SPOCK1: variants seen among roughly 807,000 people sequenced by gnomAD.
SPOCK1 encodes testican-1.
SPOCK1 carries 23 observed loss-of-function variants against 55.3 expected under a neutral mutation model. The observed-to-expected ratio is 0.42, with a 90% confidence interval of 0.30 to 0.59. SPOCK1 has a LOEUF of 0.59. Among genes scored for constraint, SPOCK1 ranks in the 20% least tolerant of loss-of-function variants. The probability of loss-of-function intolerance (pLI) is 0.22; values close to 1 mark genes in which losing one functional copy is unlikely to be tolerated. For synonymous variants in SPOCK1, 226 were observed against 221.0 expected, an observed-to-expected ratio of 1.02 and a Z score of -0.20; for missense variants, 499 against 552.5, an observed-to-expected ratio of 0.90 and a Z score of 0.97.
intron 2 of SPOCK1, among the ~76,000 whole-genome samples, chr5:137,380,884 G>A (rs748584054): frequency 6.6e-6 from 1 of 152,078 alleles, no homozygotes; most frequent in Non-Finnish European, 1.5e-5. Flanking sequence ...TACAACCCAA[G>A]CTACATTGCA....
chr5:137,098,133 TAACTC>T (rs1388449281), intron 5 of SPOCK1, among the ~76,000 whole-genome samples: 1 of 152,212 alleles, frequency 6.6e-6, no homozygotes, highest in Non-Finnish European at 1.5e-5. Context: ...TAATATGTAA[TAACTC>T]AATTCTCACA....
At chr5:137,315,906 G>A (rs1029465331) in intron 2 of SPOCK1, among the ~76,000 whole-genome samples, 1 of 152,198 alleles carries the variant, frequency 6.6e-6, no homozygotes, top group African/African-American at 2.4e-5. Context: ...CAGGGTGCTG[G>A]AGAGTCAGCC....
chr5:137,255,819 G>T (rs1450620075), intron 3 of SPOCK1, among the ~76,000 whole-genome samples: 4 of 152,158 alleles, frequency 2.6e-5, no homozygotes, highest in African/African-American at 9.7e-5. Context: ...GGCTCCAGTG[G>T]GCTCAGAGGA....
intron 2 of SPOCK1, among the ~76,000 whole-genome samples, chr5:137,384,621 T>G (rs1751562166): frequency 6.6e-6 from 1 of 150,452 alleles, no homozygotes; most frequent in Non-Finnish European, 1.5e-5. Flanking sequence ...AAGCTCACAA[T>G]TAATGTGCCC....
At chr5:137,018,063 C>G (rs545767860) in intron 6 of SPOCK1, among the ~76,000 whole-genome samples, 3 of 152,310 alleles carry the variant, frequency 2.0e-5, no homozygotes, top group African/African-American at 7.2e-5. Flanking sequence ...GTTTTGCCCC[C>G]GAGGGGACAT....
At chr5:137,106,519 G>T (rs1753371834) in intron 5 of SPOCK1, among the ~76,000 whole-genome samples, 1 of 152,052 alleles carries the variant, frequency 6.6e-6, no homozygotes. Flanking sequence ...AGTCCTCCTG[G>T]GCTCGGAGCT....
At chr5:137,409,728 T>G (rs1752171829) in intron 2 of SPOCK1, among the ~76,000 whole-genome samples, 1 of 152,142 alleles carries the variant, frequency 6.6e-6, no homozygotes, top group Admixed American at 6.5e-5. Flanking sequence ...GAAAGTTAAT[T>G]TTGTTTTTTG....
intron 3 of SPOCK1, among the ~76,000 whole-genome samples, chr5:137,198,546 T>A (rs17778016): frequency 0.024 from 3,631 of 152,350 alleles, 69 homozygotes; most frequent in Non-Finnish European, 0.036. Context: ...CTTCTTTGAA[T>A]GCTAATGAAG....
chr5:137,070,127 C>A (rs183374748), intron 5 of SPOCK1, among the ~76,000 whole-genome samples: 1 of 152,294 alleles, frequency 6.6e-6, no homozygotes, highest in East Asian at 1.9e-4. Context: ...TCAAGAATCA[C>A]TGGTTTCATC....
chr5:137,446,112 G>C (rs1248241286), intron 2 of SPOCK1, among the ~76,000 whole-genome samples: 1 of 152,096 alleles, frequency 6.6e-6, no homozygotes, highest in Non-Finnish European at 1.5e-5. Context: ...ATATATGCAG[G>C]CTCCACAATA....
At chr5:137,440,900 C>G (rs1157101142) in intron 2 of SPOCK1, among the ~76,000 whole-genome samples, 1 of 152,190 alleles carries the variant, frequency 6.6e-6, no homozygotes, top group Non-Finnish European at 1.5e-5. Context: ...AGAGAGCAAG[C>G]AAATCCTTAG....
intron 5 of SPOCK1, among the ~76,000 whole-genome samples, chr5:137,085,954 G>A (rs1752954840): frequency 6.6e-6 from 1 of 152,152 alleles, no homozygotes; most frequent in Admixed American, 6.5e-5. Flanking sequence ...AGTGTTTTCT[G>A]CAACATCATA....
At chr5:137,277,618 C>T (rs1757092051) in intron 2 of SPOCK1, among the ~76,000 whole-genome samples, 1 of 152,154 alleles carries the variant, frequency 6.6e-6, no homozygotes, top group South Asian at 2.1e-4. Flanking sequence ...GAGATTCTCA[C>T]TACCACTACC....
intron 2 of SPOCK1, among the ~76,000 whole-genome samples, chr5:137,313,933 A>G (rs1296351534): frequency 6.7e-6 from 1 of 149,282 alleles, no homozygotes; most frequent in African/African-American, 2.5e-5. Flanking sequence ...GGAGATAAGG[A>G]GACTCTGGCT....
At position 137,031,753 on chromosome 5, in the gene SPOCK1, A is replaced by C. The variant is rs916129625; in HGVS notation, c.589+35962T>G. Among the ~76,000 whole-genome samples, 5 of 152,288 alleles carry C rather than the reference A, an allele frequency of 3.3e-5. No homozygotes were observed. In the South Asian group the frequency reaches 1.0e-3, roughly 32 times the overall value. On this transcript the variant is annotated intron_variant, in intron 6 of 10. Coordinates refer to ENST00000394945, the MANE Select transcript of SPOCK1 (RefSeq NM_004598.4). ...GACACCATCCAGGGAATTAATACCA[A>C]GTCCTCAAAGCCTAAGCTTTATCTC...
intron 2 of SPOCK1, among the ~76,000 whole-genome samples, chr5:137,389,293 C>G (rs773350086): frequency 3.5e-4 from 54 of 152,326 alleles, no homozygotes; most frequent in Non-Finnish European, 6.5e-4. Flanking sequence ...AGCTGATATG[C>G]CCTGTCCTCT....
At chr5:137,400,447 C>T (rs1372133304) in intron 2 of SPOCK1, among the ~76,000 whole-genome samples, 2 of 152,164 alleles carry the variant, frequency 1.3e-5, no homozygotes, top group Non-Finnish European at 2.9e-5. Flanking sequence ...CAGGAGACTA[C>T]GTAGAGTCTC....
intron 2 of SPOCK1, among the ~76,000 whole-genome samples, chr5:137,304,912 C>T (rs1278206704): frequency 1.3e-5 from 2 of 152,148 alleles, no homozygotes; most frequent in African/African-American, 4.8e-5. Context: ...CCTAGGGTGG[C>T]TTTAACAAAG....
At chr5:137,190,595 T>C (rs1461629686) in intron 3 of SPOCK1, among the ~76,000 whole-genome samples, 2 of 152,338 alleles carry the variant, frequency 1.3e-5, no homozygotes, top group Admixed American at 1.3e-4. Context: ...ATATTCACTT[T>C]AGTGGAATGG....
Sources: gnomAD v4.1 joint callset for allele counts (sites outside exome capture counted in the v4.1 genomes callset) on GRCh38, gnomAD v4.1.1 for gene constraint, MANE v1.5 for transcripts, NCBI Gene and HGNC (gene_info 2026-07-23, HGNC 2026-07-21) for gene names.